Variants in DYRK1A observed in about 807,000 individuals in gnomAD.
DYRK1A encodes dual specificity tyrosine phosphorylation regulated kinase 1A, also known as dual specificity tyrosine-phosphorylation-regulated kinase 1A.
In DYRK1A, 9 loss-of-function variants were observed where a neutral mutation model predicts 79.7. The ratio of observed to expected loss-of-function variants is 0.11; its 90% CI spans 0.07 to 0.20. DYRK1A has a LOEUF of 0.20. Among genes scored for constraint, DYRK1A ranks in the 10% least tolerant of loss-of-function variants. The pLI, the probability that DYRK1A is intolerant of heterozygous loss-of-function variation, is 1.00. For missense variants in DYRK1A, 622 were observed against 956.0 expected, an observed-to-expected ratio of 0.65 and a Z score of 4.61; for synonymous variants, 349 against 329.7, an observed-to-expected ratio of 1.06 and a Z score of -0.63.
intron 1 of DYRK1A, among the ~76,000 whole-genome samples, chr21:37,413,356 A>C (rs1333185037): frequency 1.3e-5 from 2 of 152,164 alleles, no homozygotes; most frequent in African/African-American, 2.4e-5. Flanking sequence ...TAACCAACTA[A>C]GTATATGTAT....
chr21:37,390,092 A>T (rs1406331997), intron 1 of DYRK1A, among the ~76,000 whole-genome samples: 1 of 151,334 alleles, frequency 6.6e-6, no homozygotes, highest in East Asian at 1.9e-4. Flanking sequence ...CTCAGCCTTC[A>T]CTTTTGTTTT....
intron 2 of DYRK1A, among the ~76,000 whole-genome samples, chr21:37,444,601 A>G (rs2051208161): frequency 7.9e-6 from 1 of 126,066 alleles, no homozygotes; most frequent in Non-Finnish European, 1.7e-5. Flanking sequence ...GAGGAACCCT[A>G]GACAAACCTT....
At chr21:37,372,001 G>C (rs1225969761) in intron 1 of DYRK1A, among the ~76,000 whole-genome samples, 1 of 151,964 alleles carries the variant, frequency 6.6e-6, no homozygotes, top group African/African-American at 2.4e-5. Flanking sequence ...TGATAATATA[G>C]AGCCATTTCG....
intron 11 of DYRK1A, among the ~76,000 whole-genome samples, chr21:37,509,181 T>C (rs890983347): frequency 6.6e-6 from 1 of 152,252 alleles, no homozygotes; most frequent in Non-Finnish European, 1.5e-5. Context: ...GTTTATTAGT[T>C]TTTTGTATAC....
chr21:37,369,496 G>C lies in DYRK1A; in HGVS notation c.-77+1868G>C, dbSNP rs879450844. ...TATAGCAGTGGTGTTTATGGTAGCT[G>C]TCCAAATTTATTTATACTTCAAACC... On this transcript the variant is annotated intron_variant, in intron 1 of 11. Transcript: ENST00000647188. Among the ~76,000 whole-genome samples, 5 of 152,214 alleles carry C rather than the reference G, an allele frequency of 3.3e-5. No individual in the cohort carries two copies. The East Asian group carries it at 9.6e-4, about 29-fold the overall frequency.
At chr21:37,424,363 A>C (rs1313504637) in intron 2 of DYRK1A, among the ~76,000 whole-genome samples, 1 of 152,210 alleles carries the variant, frequency 6.6e-6, no homozygotes, top group African/African-American at 2.4e-5. Context: ...CACTGAAAGA[A>C]TTCTGAAATG....
chr21:37,372,663 C>T (rs949428074), intron 1 of DYRK1A, among the ~76,000 whole-genome samples: 1 of 152,090 alleles, frequency 6.6e-6, no homozygotes, highest in Non-Finnish European at 1.5e-5. Context: ...GTTCCCTCAT[C>T]TGTAAAATGA....
At chr21:37,408,643 A>C (rs1329045520) in intron 1 of DYRK1A, among the ~76,000 whole-genome samples, 2 of 152,132 alleles carry the variant, frequency 1.3e-5, no homozygotes, top group African/African-American at 4.8e-5. Flanking sequence ...CATTGGATTG[A>C]GTTATAGAGC....
chr21:37,461,383 A>G (rs1160378994), intron 2 of DYRK1A, among the ~76,000 whole-genome samples: 4 of 152,218 alleles, frequency 2.6e-5, no homozygotes, highest in Non-Finnish European at 5.9e-5. Context: ...TAAACTCCAC[A>G]ATGTTATTTT....
intron 2 of DYRK1A, among the ~76,000 whole-genome samples, chr21:37,445,876 G>A (rs1371289696): frequency 6.6e-6 from 1 of 152,184 alleles, no homozygotes; most frequent in South Asian, 2.1e-4. Context: ...GGGCACAGTG[G>A]CTTATGCCTG....
In DYRK1A at chr21:37,383,872, A is replaced by G. The variant is rs1197387082; in HGVS notation, c.-77+16244A>G. 4.1e-5 allele frequency among the ~76,000 whole-genome samples: 6 copies of G among 147,602 alleles called. 1 individual carries two copies. In the East Asian group the frequency reaches 8.1e-4, roughly 20 times the overall value. ...GTGTGTGTGTGTGTAGTTGTATCTT[A>G]GTGTAAAACATTTAAACTTCAGTGT... is the stretch of plus-strand genomic sequence containing the variant. On this transcript the variant is annotated intron_variant, in intron 1 of 11. Coordinates refer to ENST00000647188, the MANE Select transcript of DYRK1A (RefSeq NM_001347721.2).
At chr21:37,478,826 T>G (rs2052495726) in intron 4 of DYRK1A, among the ~76,000 whole-genome samples, 1 of 152,220 alleles carries the variant, frequency 6.6e-6, no homozygotes, top group Non-Finnish European at 1.5e-5. Context: ...ATCTATATCT[T>G]TTTATGATAA....
At chr21:37,508,238 G>A (rs183213200) in intron 11 of DYRK1A, among the ~76,000 whole-genome samples, 1 of 152,224 alleles carries the variant, frequency 6.6e-6, no homozygotes, top group Non-Finnish European at 1.5e-5. Flanking sequence ...TCTCTTCCCT[G>A]CAGCCAAGTG....
intron 8 of DYRK1A, among the ~76,000 whole-genome samples, chr21:37,493,621 C>T (rs969763400): frequency 6.6e-6 from 1 of 152,156 alleles, no homozygotes; most frequent in Non-Finnish European, 1.5e-5. Flanking sequence ...AGACTGTGTG[C>T]AGTTCTGAAG....
chr21:37,453,636 G>A (rs2051533892), intron 2 of DYRK1A, among the ~76,000 whole-genome samples: 2 of 152,156 alleles, frequency 1.3e-5, no homozygotes, highest in Non-Finnish European at 2.9e-5. Context: ...TTCCCTGAAG[G>A]ATAATCTTCA....
chr21:37,417,495 TTTTTATTTTTC>T (rs199891419), intron 1 of DYRK1A, among the ~76,000 whole-genome samples: 3,851 of 144,898 alleles, frequency 0.027, 60 homozygotes, highest in Middle Eastern at 0.058. Context: ...GGCCTTGTAT[TTTTTATTTTTC>T]TTTTCTTTTT....
At chr21:37,398,750 A>C (rs1239291382) in intron 1 of DYRK1A, among the ~76,000 whole-genome samples, 1 of 152,138 alleles carries the variant, frequency 6.6e-6, no homozygotes, top group Admixed American at 6.5e-5. Flanking sequence ...AAAACTATTC[A>C]TTATAATGTC....
chr21:37,449,819 T>C (rs560422910), intron 2 of DYRK1A, among the ~76,000 whole-genome samples: 1 of 152,310 alleles, frequency 6.6e-6, no homozygotes, highest in South Asian at 2.1e-4. Context: ...TCATTTACTT[T>C]CAAGTCTAGT....
chr21:37,388,638 G>A (rs973741035), intron 1 of DYRK1A, among the ~76,000 whole-genome samples: 12 of 150,530 alleles, frequency 8.0e-5, no homozygotes, highest in African/African-American at 2.7e-4. Context: ...CAAATCTTTT[G>A]AGTTCTTTTT....
Sources: allele counts gnomAD v4.1 joint callset (sites outside exome capture counted in the v4.1 genomes callset), GRCh38; gene constraint gnomAD v4.1.1; transcripts MANE v1.5; gene names NCBI Gene and HGNC (gene_info 2026-07-23, HGNC 2026-07-21).